Variants in GRAMD4 observed in about 807,000 individuals in gnomAD.
GRAMD4 encodes the protein GRAM domain containing 4, also known as GRAM domain-containing protein 4.
Under a neutral mutation model 83.9 loss-of-function variants are expected in GRAMD4, and 25 were observed. That is an observed-to-expected ratio of 0.30 (90% CI 0.22 to 0.42). The LOEUF is 0.42. Among genes scored for constraint, GRAMD4 ranks in the 10% least tolerant of loss-of-function variants. GRAMD4 has a pLI of 1.00. For synonymous variants in GRAMD4, 336 were observed against 320.9 expected, an observed-to-expected ratio of 1.05 and a Z score of -0.50; for missense variants, 593 against 788.7, an observed-to-expected ratio of 0.75 and a Z score of 2.97.
intron 2 of GRAMD4, among the ~76,000 whole-genome samples, chr22:46,628,210 G>A (rs1189292225): frequency 1.3e-5 from 2 of 152,322 alleles, no homozygotes; most frequent in African/African-American, 4.8e-5. Flanking sequence ...CCAGAGCGGG[G>A]CTGTTTCCCC....
chr22:46,608,699 A>T (rs1051418091), intron 1 of GRAMD4, among the ~76,000 whole-genome samples: 3 of 151,866 alleles, frequency 2.0e-5, no homozygotes, highest in African/African-American at 7.3e-5. Context: ...GTGTGTGCGT[A>T]GCTGGCCAAT....
chr22:46,666,949 C>T lies in GRAMD4; in HGVS notation c.858+76C>T, dbSNP rs548437433. On this transcript the variant is annotated intron_variant, in intron 10 of 18. Coordinates refer to ENST00000406902, the MANE Select transcript of GRAMD4 (RefSeq NM_015124.5). Reference sequence around the variant, plus strand: ...GGCCTCACAGCCTGTAGGCACCGCTCGGGGAAGCCTCTGGATGAGGCCATG... The same window carrying T: ...GGCCTCACAGCCTGTAGGCACCGCTTGGGGAAGCCTCTGGATGAGGCCATG... 26 of 1,078,002 alleles carry T rather than the reference C, an allele frequency of 2.4e-5. 1 individual carries two copies. In the Admixed American group the frequency reaches 5.1e-4, roughly 21 times the overall value. 66.8% of individuals were successfully genotyped at this position (1,078,002 alleles called of 1,614,324 possible). A position where few individuals can be genotyped will look rare whatever the true frequency, so the allele number is the denominator to read the frequency against.
intron 1 of GRAMD4, among the ~76,000 whole-genome samples, chr22:46,591,598 G>A (rs2081208551): frequency 6.6e-6 from 1 of 152,098 alleles, no homozygotes; most frequent in Admixed American, 6.5e-5. Flanking sequence ...ACTTTGGGAG[G>A]CTGAGGCAGG....
chr22:46,619,597 G>T (rs966729540), upstream of GRAMD4, among the ~76,000 whole-genome samples: 2 of 152,160 alleles, frequency 1.3e-5, no homozygotes, highest in Non-Finnish European at 2.9e-5. Flanking sequence ...CCTGGCTGGC[G>T]ATGGGGTATT....
In GRAMD4 at chr22:46,666,777, G is replaced by T; in HGVS notation, c.810-48G>T. The T allele has an allele frequency of 2.0e-6, 3 of 1,538,360 alleles. No homozygotes were observed. The South Asian group carries it at 3.3e-5, about 17-fold the overall frequency. On this transcript the variant is annotated intron_variant, in intron 9 of 18. Coordinates refer to ENST00000406902, the MANE Select transcript of GRAMD4 (RefSeq NM_015124.5). ...GGCCAGCGATTCGATGCCTTCCCCT[G>T]ACTCAGGTGGCGCTGTCCTAAAGGT...
chr22:46,591,070 G>GA (rs147691849), intron 1 of GRAMD4, among the ~76,000 whole-genome samples: 21 of 150,078 alleles, frequency 1.4e-4, no homozygotes, highest in African/African-American at 2.2e-4. Flanking sequence ...AAAAGAAAAA[G>GA]AAAAAAAAAC....
In GRAMD4 at chr22:46,677,653, C is replaced by T. The variant is rs959080595; in HGVS notation, c.*402C>T. 25 of 996,864 alleles carry T rather than the reference C, an allele frequency of 2.5e-5. No homozygotes were observed. In the East Asian group the frequency reaches 4.2e-4, roughly 17 times the overall value. 61.8% of individuals were successfully genotyped at this position (996,864 alleles called of 1,614,324 possible). A position where few individuals can be genotyped will look rare whatever the true frequency, so the allele number is the denominator to read the frequency against. ...TCCCGCTCTCCAGAGGCCAGAAGCT[C>T]GTCCACCACCAAAGCCATAGCTGAA... On this transcript the variant is annotated 3_prime_UTR_variant, in exon 19 of 19. Transcript: ENST00000406902.
intron 13 of GRAMD4, among the ~76,000 whole-genome samples, chr22:46,671,624 C>G (rs146272292): frequency 6.6e-6 from 1 of 151,826 alleles, no homozygotes; most frequent in Non-Finnish European, 1.5e-5. Flanking sequence ...TTGCTGCACT[C>G]CTGCCTGGGC....
intron 3 of GRAMD4, among the ~76,000 whole-genome samples, chr22:46,652,146 A>G (rs2082175582): frequency 6.6e-6 from 1 of 152,122 alleles, no homozygotes; most frequent in Non-Finnish European, 1.5e-5. Context: ...GACTTTGTAG[A>G]TGTGGATGAG....
intron 1 of GRAMD4, among the ~76,000 whole-genome samples, chr22:46,605,432 T>C (rs996289140): frequency 6.6e-6 from 1 of 152,272 alleles, no homozygotes; most frequent in African/African-American, 2.4e-5. Context: ...AAATATCTCT[T>C]CAAGACCTTG....
At chr22:46,673,024 TG>T (rs1256248603) in intron 14 of GRAMD4, 27 bp downstream of exon 14, 4 of 1,515,492 alleles carry the variant, frequency 2.6e-6, no homozygotes, top group African/African-American at 1.5e-5. Context: ...GCTGCGGGGA[TG>T]GGGGGATGGG....
At chr22:46,680,651 CACCTACCCACTCATCCATCA>C (rs1249540778), downstream of GRAMD4, among the ~76,000 whole-genome samples, 10 of 145,038 alleles carry the variant, frequency 6.9e-5, no homozygotes, top group African/African-American at 2.3e-4. Context: ...TTCATCCATC[CACCTACCCACTCATCCATCA>C]ATCCATCCAC....
intron 4 of GRAMD4, among the ~76,000 whole-genome samples, chr22:46,658,917 T>G (rs1363409609): frequency 6.6e-6 from 1 of 152,014 alleles, no homozygotes; most frequent in East Asian, 1.9e-4. Flanking sequence ...GGGTCCCATG[T>G]GGGACCCTGA....
chr22:46,608,061 G>A (rs1467349015), intron 1 of GRAMD4, among the ~76,000 whole-genome samples: 1 of 152,204 alleles, frequency 6.6e-6, no homozygotes, highest in African/African-American at 2.4e-5. Flanking sequence ...GCACGTAGTA[G>A]GTGCTCATTA....
upstream of GRAMD4, among the ~76,000 whole-genome samples, chr22:46,616,031 C>T (rs1372991602): frequency 3.1e-5 from 1 of 32,236 alleles, no homozygotes. Context: ...TGTTGGTTCC[C>T]CCATGTGTAG....
At chr22:46,618,801 G>C (rs538775943), upstream of GRAMD4, among the ~76,000 whole-genome samples, 1 of 152,232 alleles carries the variant, frequency 6.6e-6, no homozygotes, top group Admixed American at 6.5e-5. This position sits in a 1 kb window ranked among gnomAD's most constrained non-coding sequence, Gnocchi z 5.8. Context: ...GCCGGCGTGC[G>C]CTGCAGGTTG....
At chr22:46,623,707 C>G (rs915199711) in intron 1 of GRAMD4, among the ~76,000 whole-genome samples, 11 of 151,862 alleles carry the variant, frequency 7.2e-5, no homozygotes, top group Non-Finnish European at 1.6e-4. Context: ...AGTTTCCTTT[C>G]TAGTGAGCTT....
intron 3 of GRAMD4, among the ~76,000 whole-genome samples, chr22:46,654,138 T>C (rs913736565): frequency 5.1e-5 from 7 of 136,768 alleles, no homozygotes; most frequent in African/African-American, 1.4e-4. Context: ...GCCAGGAGGC[T>C]GAGAATCGGG....
chr22:46,674,954 G>T (rs1337263927), intron 16 of GRAMD4, among the ~76,000 whole-genome samples: 2 of 152,228 alleles, frequency 1.3e-5, no homozygotes, highest in African/African-American at 4.8e-5. Flanking sequence ...CTGTACTGCT[G>T]CCATCCCTCA....
Sources: gnomAD v4.1 joint callset for allele counts (sites outside exome capture counted in the v4.1 genomes callset) on GRCh38, gnomAD v4.1.1 for gene constraint, Gnocchi (gnomAD v3.1) non-coding constraint, MANE v1.5 for transcripts, NCBI Gene and HGNC (gene_info 2026-07-23, HGNC 2026-07-21) for gene names.